PATJ: variants seen among roughly 807,000 people sequenced by gnomAD.
PATJ encodes PATJ crumbs cell polarity complex component, also known as inaD-like protein.
A neutral mutation model predicts 224.9 loss-of-function variants in PATJ; 190 were observed. The ratio of observed to expected loss-of-function variants is 0.84; its 90% CI spans 0.75 to 0.95. PATJ has a LOEUF of 0.95. Ranked by LOEUF, PATJ falls within the 40% of genes least tolerant of loss-of-function variation. The pLI, the probability that PATJ is intolerant of heterozygous loss-of-function variation, is 0.00. For missense variants in PATJ, 2,121 were observed against 2,270.3 expected (o/e 0.93, Z 1.34); for synonymous variants, 769 against 820.3 (o/e 0.94, Z 1.07).
In PATJ at chr1:61,987,742, A is replaced by C. The variant is rs201560836; in HGVS notation, c.3671-2426A>C. Among the ~76,000 whole-genome samples the C allele has an allele frequency of 6.3e-4, 96 of 152,310 alleles. No homozygotes were observed. The East Asian group carries it at 0.015, about 25-fold the overall frequency. On this transcript the variant is annotated intron_variant, in intron 27 of 43. Coordinates refer to ENST00000642238, the MANE Select transcript of PATJ (RefSeq NM_001350145.3). ...AATTTCCAGTTTGCAGCCAACAGCT[A>C]CCCATGTTCTCCTCCCCATCCCAAC...
chr1:62,034,933 C>A (rs1424215204), intron 29 of PATJ, among the ~76,000 whole-genome samples: 1 of 152,098 alleles, frequency 6.6e-6, no homozygotes, highest in Non-Finnish European at 1.5e-5. Context: ...TGCCGGTAAC[C>A]TTTGAAAGAG....
chr1:62,129,882 T>C (rs770758478), intron 41 of PATJ, among the ~76,000 whole-genome samples: 1 of 151,936 alleles, frequency 6.6e-6, no homozygotes, highest in African/African-American at 2.4e-5. Flanking sequence ...GAGGTTGCAG[T>C]GAGCCAAGAT....
chr1:61,938,974 T>C (rs573519504), intron 27 of PATJ, among the ~76,000 whole-genome samples: 45 of 151,494 alleles, frequency 3.0e-4, no homozygotes, highest in African/African-American at 1.1e-3. Flanking sequence ...CAAAAAAAAA[T>C]TAGCCAGGCG....
At chr1:61,982,304 A>G (rs1411924554) in intron 27 of PATJ, among the ~76,000 whole-genome samples, 1 of 152,068 alleles carries the variant, frequency 6.6e-6, no homozygotes, top group Non-Finnish European at 1.5e-5. Context: ...AGCCTGACAA[A>G]TAATCTAAGG....
chr1:61,766,331 G>A lies in PATJ; in HGVS notation c.242G>A (p.Gly81Asp). Reference sequence around the variant, plus strand: ...GCCAACTTTGATTTTTCTAGGAAAGGTTTGTTAGTGTTCACAGATGGTTCC... The same window carrying A: ...GCCAACTTTGATTTTTCTAGGAAAGATTTGTTAGTGTTCACAGATGGTTCC... Reference protein sequence around the residue: ...CSANFDFSRKGLLVFTDGSIT... With the variant: ...CSANFDFSRKDLLVFTDGSIT... The change falls in exon 4 of 44, where the codon GGT (glycine) becomes GAT (aspartate). Residue 81 changes from glycine (G) to aspartate (D), a missense_variant. Coordinates refer to ENST00000642238, the MANE Select transcript of PATJ (RefSeq NM_001350145.3). 1.2e-6 allele frequency: 2 copies of A among 1,611,426 alleles called. No individual in the cohort carries two copies. The highest frequency in any genetic ancestry group is 1.7e-6 in the Non-Finnish European group (2 of 1,178,672).
chr1:61,820,483 C>T (rs545198641), intron 14 of PATJ, among the ~76,000 whole-genome samples: 1 of 152,270 alleles, frequency 6.6e-6, no homozygotes, highest in East Asian at 1.9e-4. Context: ...GCTGGGATTA[C>T]AGGCATGTGC....
chr1:61,971,594 CAG>C (rs1682984682), intron 27 of PATJ, among the ~76,000 whole-genome samples: 1 of 152,002 alleles, frequency 6.6e-6, no homozygotes, highest in Admixed American at 6.6e-5. Context: ...GCCTGAGTGA[CAG>C]AGTGAGATCC....
chr1:61,827,645 AC>A (rs1366752653), intron 16 of PATJ, 62 bp downstream of exon 16: 14 of 1,497,522 alleles, frequency 9.3e-6, no homozygotes, highest in Non-Finnish European at 1.2e-5. Context: ...TGCCCCGAAG[AC>A]TGTGCTGCAA....
At chr1:61,759,189 T>C (rs556435413) in intron 1 of PATJ, among the ~76,000 whole-genome samples, 100 of 152,268 alleles carry the variant, frequency 6.6e-4, no homozygotes, top group Admixed American at 2.7e-3. Context: ...TCTTAAAACA[T>C]GATGAGATTT....
chr1:61,958,064 A>G (rs1403914006), intron 27 of PATJ, among the ~76,000 whole-genome samples: 1 of 152,224 alleles, frequency 6.6e-6, no homozygotes, highest in Non-Finnish European at 1.5e-5. Context: ...TTAGCTATAT[A>G]CAAAATATAT....
At chr1:61,951,543 GGGGTA>G (rs989661548) in intron 27 of PATJ, among the ~76,000 whole-genome samples, 3 of 151,942 alleles carry the variant, frequency 2.0e-5, no homozygotes, top group African/African-American at 4.8e-5. Context: ...AGGTGTGTGG[GGGGTA>G]GGGTAGGGTA....
At chr1:62,137,389 G>C (rs1421714597) in intron 41 of PATJ, among the ~76,000 whole-genome samples, 3 of 117,094 alleles carry the variant, frequency 2.6e-5, no homozygotes, top group Non-Finnish European at 5.3e-5. Context: ...TCGTCGGAGG[G>C]GGGAACATAG....
intron 27 of PATJ, among the ~76,000 whole-genome samples, chr1:61,949,917 G>A (rs1349986742): frequency 7.6e-6 from 1 of 131,026 alleles, no homozygotes; most frequent in East Asian, 2.3e-4. Context: ...AGCAAAGAAG[G>A]GACCAGGCAC....
intron 17 of PATJ, among the ~76,000 whole-genome samples, chr1:61,834,867 T>A (rs1449641771): frequency 6.6e-6 from 1 of 152,102 alleles, no homozygotes; most frequent in African/African-American, 2.4e-5. Context: ...TAGCTGAGAC[T>A]ACAGGCGCCT....
chr1:61,807,177 C>CA (rs1314719591), intron 13 of PATJ, among the ~76,000 whole-genome samples: 7 of 152,058 alleles, frequency 4.6e-5, no homozygotes, highest in Non-Finnish European at 7.4e-5. Context: ...AAACAAAAAA[C>CA]AAAAAAACAT....
intron 27 of PATJ, among the ~76,000 whole-genome samples, chr1:61,978,226 TCCC>T: frequency 2.4e-5 from 3 of 126,080 alleles, no homozygotes; most frequent in Admixed American, 1.5e-4. Flanking sequence ...CCTTCCTTCC[TCCC>T]TCCCTCCCTC....
At chr1:61,763,623 A>T (rs1198995756) in intron 3 of PATJ, among the ~76,000 whole-genome samples, 1 of 152,166 alleles carries the variant, frequency 6.6e-6, no homozygotes, top group Non-Finnish European at 1.5e-5. Context: ...AGAATTCTCA[A>T]CATCTTCAAA....
chr1:62,128,153 G>T (rs1665919465), intron 40 of PATJ, 59 bp downstream of exon 40: 1 of 1,599,516 alleles, frequency 6.3e-7, no homozygotes, highest in Non-Finnish European at 8.5e-7. Flanking sequence ...AGAGGAAGTT[G>T]CAGCCCTGGG....
At position 61,932,856 on chromosome 1, in the gene PATJ, G is replaced by A. The variant is rs149039799; in HGVS notation, c.3670+5027G>A. On this transcript the variant is annotated intron_variant, in intron 27 of 43. Transcript: ENST00000642238. ...AGAGGTTGCAGTGAGCCGAGATTGC[G>A]CCACTGCACTCCAGCCTAGGCAACA... 2.8e-3 allele frequency among the ~76,000 whole-genome samples: 429 copies of A among 152,272 alleles called. 2 individuals are homozygous for A. Among genetic ancestry groups the A allele is most frequent in the Middle Eastern group, 6.8e-3 (2 of 294 alleles).
Sources: gnomAD v4.1 joint callset for allele counts (sites outside exome capture counted in the v4.1 genomes callset) on GRCh38, gnomAD v4.1.1 for gene constraint, MANE v1.5 for transcripts, NCBI Gene and HGNC (gene_info 2026-07-23, HGNC 2026-07-21) for gene names.